The following SPAG17 variants were observed in gnomAD, a reference collection of about 807,000 sequenced individuals.
SPAG17 encodes sperm associated antigen 17.
SPAG17 carries 169 observed loss-of-function variants against 273.6 expected under a neutral mutation model. The ratio of observed to expected loss-of-function variants is 0.62; its 90% CI spans 0.55 to 0.70. The LOEUF is 0.70. Ranked by LOEUF, SPAG17 falls within the 30% of genes least tolerant of loss-of-function variation. The probability of loss-of-function intolerance (pLI) is 0.00; values close to 1 mark genes in which losing one functional copy is unlikely to be tolerated. For synonymous variants in SPAG17, 825 were observed against 873.2 expected, an observed-to-expected ratio of 0.94 and a Z score of 0.97; for missense variants, 2,557 against 2,627.8, an observed-to-expected ratio of 0.97 and a Z score of 0.59.
intron 18 of SPAG17, among the ~76,000 whole-genome samples, chr1:118,063,575 A>G (rs1379977278): frequency 6.6e-6 from 1 of 152,220 alleles, no homozygotes; most frequent in African/African-American, 2.4e-5. Flanking sequence ...ACCTGATACA[A>G]AAATTAAGTC....
intron 32 of SPAG17, among the ~76,000 whole-genome samples, chr1:118,004,799 T>C (rs1319895130): frequency 6.6e-6 from 1 of 152,216 alleles, no homozygotes; most frequent in Non-Finnish European, 1.5e-5. Flanking sequence ...CCCTGCTTCA[T>C]CTTGCCCTCC....
intron 3 of SPAG17, among the ~76,000 whole-genome samples, chr1:118,120,143 G>A (rs1365630963): frequency 6.6e-6 from 1 of 152,062 alleles, no homozygotes; most frequent in Non-Finnish European, 1.5e-5. Flanking sequence ...TAAACAATGA[G>A]TATTCTCCAA....
chr1:118,117,323 G>T lies in SPAG17; in HGVS notation c.316-1882C>A, dbSNP rs978834530. ...ATTCACCTATGTCTGGGGGGTTTGG[G>T]TGAAGCCTGCCTGGTGTCATGGCAA... On this transcript the variant is annotated intron_variant, in intron 3 of 48. Coordinates refer to ENST00000336338, the MANE Select transcript of SPAG17 (RefSeq NM_206996.4). Among the ~76,000 whole-genome samples, 4 of 152,182 alleles carry T rather than the reference G, an allele frequency of 2.6e-5. No homozygotes were observed. The East Asian group carries it at 7.7e-4, about 29-fold the overall frequency.
In SPAG17 at chr1:118,102,194, C is replaced by T. The variant is rs180870157; in HGVS notation, c.448-268G>A. Among the ~76,000 whole-genome samples, 682 of 152,240 alleles carry T rather than the reference C, an allele frequency of 4.5e-3. 7 individuals carry two copies. Among genetic ancestry groups the T allele is most frequent in the Admixed American group, 0.016 (250 of 15,294 alleles). On this transcript the variant is annotated intron_variant, in intron 4 of 48. Coordinates refer to ENST00000336338, the MANE Select transcript of SPAG17 (RefSeq NM_206996.4). ...AAGAGAATCAGTCCTATGGGAGAGCCAAGTGTGGCCTAAGAAGCCACCCCA... is the reference window on the plus strand; with the variant it reads ...AAGAGAATCAGTCCTATGGGAGAGCTAAGTGTGGCCTAAGAAGCCACCCCA...
At chr1:118,026,585 A>G (rs1027078275) in intron 26 of SPAG17, among the ~76,000 whole-genome samples, 11 of 152,290 alleles carry the variant, frequency 7.2e-5, no homozygotes, top group African/African-American at 2.6e-4. Flanking sequence ...ACAATCCTTT[A>G]AAATAGGCAC....
chr1:118,097,872 A>G lies in SPAG17; in HGVS notation c.830-21T>C, dbSNP rs116033644. The G allele has an allele frequency of 1.3e-4, 201 of 1,506,914 alleles. No homozygotes were observed. The African/African-American group carries it at 2.2e-3, about 17-fold the overall frequency. 93.3% of individuals were successfully genotyped at this position (1,506,914 alleles called of 1,614,324 possible). ...TAGATCTAATAATAGCAACATGTTT[A>G]TATTACCAAATGAGAGTGTTAAATG... On this transcript the variant is annotated intron_variant, in intron 6 of 48. Transcript: ENST00000336338.
In SPAG17 at chr1:117,953,590, T is replaced by A. The variant is rs1402490743; in HGVS notation, c.*460A>T. On this transcript the variant is annotated 3_prime_UTR_variant, in exon 49 of 49. Transcript: ENST00000336338. ...TCTCGTTTTTTAATAAGATCTCAACTTTTTAGTAAAAGTTTTATTCTGTAT... is the reference window on the plus strand; with the variant it reads ...TCTCGTTTTTTAATAAGATCTCAACATTTTAGTAAAAGTTTTATTCTGTAT... 1 of 1,581,634 alleles carries A rather than the reference T, an allele frequency of 6.3e-7. No homozygotes were observed. The highest frequency in any genetic ancestry group is 8.6e-7 in the Non-Finnish European group (1 of 1,161,582).
At chr1:118,074,001 A>C in intron 16 of SPAG17, 34 bp from the exon 17 acceptor site, 1 of 1,483,744 alleles carries the variant, frequency 6.7e-7, no homozygotes, top group Non-Finnish European at 9.0e-7. Flanking sequence ...TTCAGCTTTA[A>C]TTTGTTTAAG....
intron 25 of SPAG17, among the ~76,000 whole-genome samples, chr1:118,028,999 C>T (rs1324082582): frequency 6.6e-6 from 1 of 152,146 alleles, no homozygotes; most frequent in East Asian, 1.9e-4. Flanking sequence ...GTTGCAATTT[C>T]AGCTACTTGA....
At chr1:118,120,118 C>T (rs111473910) in intron 3 of SPAG17, among the ~76,000 whole-genome samples, 1 of 152,014 alleles carries the variant, frequency 6.6e-6, no homozygotes, top group Non-Finnish European at 1.5e-5. Context: ...AGGGTCCGTT[C>T]CCCCACTTCC....
chr1:118,009,545 GACGAAAGAC>G (rs916031678), intron 30 of SPAG17, among the ~76,000 whole-genome samples: 6 of 152,094 alleles, frequency 3.9e-5, no homozygotes, highest in Non-Finnish European at 1.5e-5. Context: ...CCACCTTTCT[GACGAAAGAC>G]ATGCTGAGAC....
At chr1:118,002,870 G>A (rs1571207724) in intron 32 of SPAG17, among the ~76,000 whole-genome samples, 1 of 152,186 alleles carries the variant, frequency 6.6e-6, no homozygotes, top group Non-Finnish European at 1.5e-5. Context: ...CTGTCATTAT[G>A]ATGTTAGCTG....
Position 118,093,237 on chromosome 1 carries a change from G to A in SPAG17, c.1092C>T (p.His364=), listed in dbSNP as rs775160405. ...TAATAAGCTGCATGCTTTCCAAATA[G>A]TGCTGGTGCTGCCTTTTCCAATCCA... ...DILDWKRQHQ[H]YLESMQLINV... The change falls in exon 8 of 49, where the codon CAC becomes CAT. Residue 364 remains histidine (H), a synonymous_variant. Coordinates refer to ENST00000336338, the MANE Select transcript of SPAG17 (RefSeq NM_206996.4). 2 of 1,613,744 alleles carry A rather than the reference G, an allele frequency of 1.2e-6. No homozygotes were observed. The highest frequency in any genetic ancestry group is 1.7e-6 in the Non-Finnish European group (2 of 1,179,818).
intron 10 of SPAG17, 99 bp downstream of exon 10, chr1:118,091,507 G>A (rs1212706714): frequency 6.0e-6 from 4 of 662,924 alleles, no homozygotes; most frequent in South Asian, 1.9e-5. Flanking sequence ...ATGCACTTAG[G>A]TATTATGAGT....
In SPAG17 at chr1:118,119,364, G is replaced by C. The variant is rs1657287092; in HGVS notation, c.316-3923C>G. Among the ~76,000 whole-genome samples the C allele has an allele frequency of 2.6e-5, 4 of 152,146 alleles. No individual in the cohort carries two copies. In the South Asian group the frequency reaches 8.3e-4, roughly 32 times the overall value. On this transcript the variant is annotated intron_variant, in intron 3 of 48. Coordinates refer to ENST00000336338, the MANE Select transcript of SPAG17 (RefSeq NM_206996.4). ...TTTCTCTTGCTTGGAACAGGTTATG[G>C]GAGTGAGGTGGCAGAGGAAAGGGCA... is the stretch of plus-strand genomic sequence containing the variant.
intron 3 of SPAG17, among the ~76,000 whole-genome samples, chr1:118,138,815 A>G (rs1026768120): frequency 2.0e-5 from 3 of 152,226 alleles, no homozygotes; most frequent in African/African-American, 7.2e-5. Context: ...CGCTTCTACA[A>G]TACTTACTAT....
At chr1:118,047,343 T>C (rs1284530089) in intron 20 of SPAG17, among the ~76,000 whole-genome samples, 3 of 152,184 alleles carry the variant, frequency 2.0e-5, no homozygotes, top group Non-Finnish European at 4.4e-5. Context: ...TGAGAGAGTA[T>C]AGCATCTTAA....
intron 3 of SPAG17, among the ~76,000 whole-genome samples, chr1:118,146,314 T>G (rs924238877): frequency 6.6e-6 from 1 of 152,196 alleles, no homozygotes. Flanking sequence ...CTTTTTAATT[T>G]TGGTCAGGAC....
chr1:118,087,783 C>G (rs1462873553), intron 10 of SPAG17, among the ~76,000 whole-genome samples: 1 of 152,178 alleles, frequency 6.6e-6, no homozygotes, highest in East Asian at 1.9e-4. Flanking sequence ...TCTATGATTT[C>G]CTATCCCTCT....
Sources: allele counts gnomAD v4.1 joint callset (sites outside exome capture counted in the v4.1 genomes callset), GRCh38; gene constraint gnomAD v4.1.1; transcripts MANE v1.5; gene names NCBI Gene and HGNC (gene_info 2026-07-23, HGNC 2026-07-21).